DOP1B: variants seen among roughly 807,000 people sequenced by gnomAD.
DOP1B encodes protein DOP1B.
A neutral mutation model predicts 233.5 loss-of-function variants in DOP1B; 174 were observed. The observed-to-expected ratio is 0.75, with a 90% CI of 0.66 to 0.85. The LOEUF is 0.85. DOP1B is among the 40% of genes least tolerant of loss of function. DOP1B has a pLI of 0.00. For synonymous variants in DOP1B, 1,190 were observed against 1,185.6 expected, an observed-to-expected ratio of 1.00 and a Z score of -0.08; for missense variants, 2,652 against 2,846.6, an observed-to-expected ratio of 0.93 and a Z score of 1.56.
chr21:36,253,315 C>T (rs2067053134), intron 22 of DOP1B, among the ~76,000 whole-genome samples: 1 of 152,236 alleles, frequency 6.6e-6, no homozygotes, highest in South Asian at 2.1e-4. Context: ...ACCACTATTA[C>T]AGCCCCATCA....
intron 23 of DOP1B, among the ~76,000 whole-genome samples, chr21:36,259,905 AG>A (rs2067148900): frequency 6.6e-6 from 1 of 152,140 alleles, no homozygotes; most frequent in African/African-American, 2.4e-5. Flanking sequence ...TTTACAAGCA[AG>A]GAGGGGGTAA....
At position 36,230,713 on chromosome 21, in the gene DOP1B, T is replaced by TG. The variant is rs764358553; in HGVS notation, c.1931dup (p.Val645SerfsTer31). The TG allele has an allele frequency of 6.2e-7, 1 of 1,614,156 alleles. No homozygotes were observed. The highest frequency in any genetic ancestry group is 8.5e-7 in the Non-Finnish European group (1 of 1,180,030). ...CCAACTTTGCCAGCAAGAACATTTT[T>TG]GGAGTACAGCTGACAGCGTCAGGAG... On this transcript the variant is annotated frameshift_variant, in exon 14 of 37. Transcript: ENST00000691173. LOFTEE classifies it high-confidence loss of function.
chr21:36,225,785 T>G, intron 12 of DOP1B, 118 bp downstream of exon 12: 1 of 990,552 alleles, frequency 1.0e-6, no homozygotes, highest in East Asian at 2.7e-5. Context: ...TATGCAACAC[T>G]GTTTTGATGT....
intron 15 of DOP1B, among the ~76,000 whole-genome samples, chr21:36,235,030 A>G (rs1326477524): frequency 6.6e-6 from 1 of 152,186 alleles, no homozygotes; most frequent in Non-Finnish European, 1.5e-5. Context: ...TACACAATGC[A>G]TTATTGTTAG....
chr21:36,246,496 G>T lies in DOP1B; in HGVS notation c.4516G>T (p.Gly1506Cys), dbSNP rs751820526. ...QGLLVSAVVR[G>C]LQPAYGYGMH... Reference sequence around the variant, plus strand: ...TCTTCTGGTCTCTGCGGTGGTGAGGGGTCTGCAGCCCGCCTACGGTTACGG... The same window carrying T: ...TCTTCTGGTCTCTGCGGTGGTGAGGTGTCTGCAGCCCGCCTACGGTTACGG... Residue 1506 changes from glycine to cysteine, a missense_variant, in exon 19 of 37, where the codon GGT (glycine) becomes TGT (cysteine). By Grantham distance (159) the Gly-to-Cys change is radical (BLOSUM62 -3). Around this residue, in one of 3 missense-constraint regions of DOP1B, gnomAD observed 2,617 missense variants for 2,794.3 expected, o/e 0.94. Transcript: ENST00000691173. This position sits in a 1 kb window ranked among gnomAD's most constrained non-coding sequence, Gnocchi z 5.1. The T allele has an allele frequency of 1.9e-6, 3 of 1,613,950 alleles. No homozygotes were observed. The African/African-American group carries it at 4.0e-5, about 22-fold the overall frequency.
chr21:36,192,591 C>T (rs149252303), intron 2 of DOP1B, among the ~76,000 whole-genome samples: 7 of 151,984 alleles, frequency 4.6e-5, no homozygotes, highest in African/African-American at 1.7e-4. Context: ...GCCATGTTGC[C>T]CAGGCTGGTC....
At chr21:36,244,448 G>T (rs1401478211) in intron 18 of DOP1B, among the ~76,000 whole-genome samples, 1 of 151,978 alleles carries the variant, frequency 6.6e-6, no homozygotes, top group Non-Finnish European at 1.5e-5. Context: ...TTTTAAGACG[G>T]AGTTTCGCTC....
At chr21:36,263,962 C>A in intron 26 of DOP1B, 148 bp downstream of exon 26, 1 of 856,290 alleles carries the variant, frequency 1.2e-6, no homozygotes, top group Non-Finnish European at 1.8e-6. Flanking sequence ...CTTCTGCCAT[C>A]ACTGTCTCTA....
At chr21:36,267,975 G>T (rs932631589) in intron 26 of DOP1B, among the ~76,000 whole-genome samples, 6 of 152,154 alleles carry the variant, frequency 3.9e-5, no homozygotes, top group Non-Finnish European at 7.3e-5. Flanking sequence ...GAGGGAACAG[G>T]ACAAAGGGCA....
intron 14 of DOP1B, 111 bp downstream of exon 14, chr21:36,231,245 T>C (rs1490093224): frequency 7.3e-7 from 1 of 1,371,030 alleles, no homozygotes; most frequent in Non-Finnish European, 9.7e-7. Context: ...ATTTTGGATT[T>C]CGGACTTTTT....
At position 36,177,698 on chromosome 21, in the gene DOP1B, G is replaced by A. The variant is rs143237998; in HGVS notation, c.138+12827G>A. ...GTAGCTAAATAAGAAGAGGAAGAGA[G>A]GCCTGAGCTAGCATTAGCATGCTCG... On this transcript the variant is annotated intron_variant, in intron 2 of 36. Transcript: ENST00000691173. Among the ~76,000 whole-genome samples, 219 of 152,292 alleles carry A rather than the reference G, an allele frequency of 1.4e-3. 5 individuals are homozygous for A. Among genetic ancestry groups the A allele is most frequent in the South Asian group, 0.013 (61 of 4,828 alleles).
chr21:36,283,140 G>A (rs1256570842), intron 32 of DOP1B, among the ~76,000 whole-genome samples: 1 of 151,412 alleles, frequency 6.6e-6, no homozygotes, highest in East Asian at 2.0e-4. Flanking sequence ...GGAGTGCAGT[G>A]GCGCAGTCTC....
In DOP1B at chr21:36,199,798, G is replaced by A. The variant is rs1202479693; in HGVS notation, c.321-533G>A. Reference sequence around the variant, plus strand: ...TTTTTATGGCTACATAGTATTCCATGGTGTATATGTGCCACATTTTCTTAA... The same window carrying A: ...TTTTTATGGCTACATAGTATTCCATAGTGTATATGTGCCACATTTTCTTAA... On this transcript the variant is annotated intron_variant, in intron 3 of 36. Coordinates refer to ENST00000691173, the MANE Select transcript of DOP1B (RefSeq NM_001320714.2). Among the ~76,000 whole-genome samples the A allele has an allele frequency of 2.0e-5, 3 of 152,130 alleles. No homozygotes were observed. The East Asian group carries it at 5.8e-4, about 29-fold the overall frequency.
At chr21:36,260,827 C>G in intron 24 of DOP1B, 95 bp downstream of exon 24, 2 of 1,573,672 alleles carry the variant, frequency 1.3e-6, no homozygotes, top group East Asian at 2.3e-5. Flanking sequence ...TTCTAGACTA[C>G]TAGAGAGCCA....
At position 36,280,361 on chromosome 21, in the gene DOP1B, A is replaced by G; in HGVS notation, c.6031+15A>G. 1.3e-6 allele frequency: 2 copies of G among 1,576,830 alleles called. No individual in the cohort carries two copies. The highest frequency in any genetic ancestry group is 1.7e-6 in the Non-Finnish European group (2 of 1,150,730). On this transcript the variant is annotated intron_variant, in intron 31 of 36. Transcript: ENST00000691173. ...GGATTTAATGAGTAAGTTCTGTGTT[A>G]CTTTTGCATAACTCACACTTGATAG...
intron 2 of DOP1B, among the ~76,000 whole-genome samples, chr21:36,184,909 G>T (rs1018869407): frequency 2.0e-5 from 3 of 152,194 alleles, no homozygotes; most frequent in Non-Finnish European, 2.9e-5. Flanking sequence ...TGGGGAGGAG[G>T]AGTTAACATC....
intron 18 of DOP1B, among the ~76,000 whole-genome samples, chr21:36,242,970 T>G (rs1354023454): frequency 7.1e-6 from 1 of 140,608 alleles, no homozygotes; most frequent in Non-Finnish European, 1.5e-5. Context: ...GAATGACAGA[T>G]TTCTTCTTTT....
chr21:36,288,861 A>T, intron 34 of DOP1B, 50 bp downstream of exon 34: 1 of 1,523,380 alleles, frequency 6.6e-7, no homozygotes, highest in Non-Finnish European at 9.1e-7. Context: ...TCACGATTAA[A>T]GCACGTCACT....
intron 2 of DOP1B, among the ~76,000 whole-genome samples, chr21:36,184,911 G>C (rs964218049): frequency 6.6e-6 from 1 of 152,192 alleles, no homozygotes. Context: ...GGGAGGAGGA[G>C]TTAACATCTC....
Sources: allele counts gnomAD v4.1 joint callset (sites outside exome capture counted in the v4.1 genomes callset), GRCh38; gene constraint gnomAD v4.1.1; regional missense constraint gnomAD v4.1.1; non-coding constraint Gnocchi (gnomAD v3.1); transcripts MANE v1.5; gene names NCBI Gene and HGNC (gene_info 2026-07-23, HGNC 2026-07-21).